Variants in FHIP2B observed in about 807,000 individuals in gnomAD.
The protein encoded by FHIP2B is FHF complex subunit HOOK interacting protein 2B.
In FHIP2B, 72 loss-of-function variants were observed where a neutral mutation model predicts 84.0. The ratio of observed to expected loss-of-function variants is 0.86; its 90% CI spans 0.71 to 1.04. FHIP2B has a LOEUF of 1.04. Among genes scored for constraint, FHIP2B ranks in the 50% least tolerant of loss-of-function variants. The pLI is 0.00. For synonymous variants in FHIP2B, 497 were observed against 418.7 expected (o/e 1.19, Z -2.28); for missense variants, 972 against 968.9 (o/e 1.00, Z -0.04).
chr8:22,102,775 T>C lies in FHIP2B; in HGVS notation c.2094-18T>C. The C allele has an allele frequency of 1.9e-6, 3 of 1,611,988 alleles. No individual in the cohort carries two copies. The highest frequency in any genetic ancestry group is 2.5e-6 in the Non-Finnish European group (3 of 1,179,090). The stretch of plus-strand genomic sequence containing the variant: ...CCTGCCCCCACCCAGCCATGCCCCC[T>C]GTGCCATCTCCCCTCAGGCTGGACC... On this transcript the variant is annotated intron_variant, in intron 16 of 16. Coordinates refer to ENST00000289921, the MANE Select transcript of FHIP2B (RefSeq NM_022749.7).
In FHIP2B at chr8:22,101,382, C is replaced by T. The variant is rs1427802813; in HGVS notation, c.1617-58C>T. 1.6e-5 allele frequency: 22 copies of T among 1,409,136 alleles called. No homozygotes were observed. In the Admixed American group the frequency reaches 4.1e-4, roughly 26 times the overall value. 87.3% of individuals were successfully genotyped at this position (1,409,136 alleles called of 1,614,324 possible). A position where few individuals can be genotyped will look rare whatever the true frequency, so the allele number is the denominator to read the frequency against. Reference sequence around the variant, plus strand: ...AGTCAGGGAGGGAGATGGGGTCCCACAAGCAGGGGAGAGCAGGGTGAGCCG... The same window carrying T: ...AGTCAGGGAGGGAGATGGGGTCCCATAAGCAGGGGAGAGCAGGGTGAGCCG... On this transcript the variant is annotated intron_variant, in intron 12 of 16. Coordinates refer to ENST00000289921, the MANE Select transcript of FHIP2B (RefSeq NM_022749.7).
chr8:22,100,688 G>A lies in FHIP2B; in HGVS notation c.1436G>A (p.Arg479His), dbSNP rs774274007. 13 of 1,606,050 alleles carry A rather than the reference G, an allele frequency of 8.1e-6. No homozygotes were observed. The Admixed American group carries it at 8.5e-5, about 10-fold the overall frequency. The change falls in exon 11 of 17, where the codon CGC becomes CAC. Residue 479 changes from arginine (R) to histidine (H), a missense_variant. By Grantham distance (29) the Arg-to-His change is conservative (BLOSUM62 0). Transcript: ENST00000289921. ...CTGGTCCTGCGCAACCTTGAGGGCC[G>A]CCCTTACGTGGCCTGGGGCTCACCA... Reference protein sequence around the residue: ...HSLVLRNLEGRPYVAWGSPEP... With the variant: ...HSLVLRNLEGHPYVAWGSPEP...
chr8:22,101,875 A>G, intron 14 of FHIP2B, 24 bp downstream of exon 14: 1 of 1,610,954 alleles, frequency 6.2e-7, no homozygotes, highest in South Asian at 1.1e-5. Flanking sequence ...CTGGGCCAGG[A>G]GAACTCCAGG....
At position 22,102,177 on chromosome 8, in the gene FHIP2B, A is replaced by T. The variant is rs1386257807; in HGVS notation, c.1854A>T (p.Pro618=). Residue 618 remains proline (P), a splice_region_variant and synonymous_variant, in exon 15 of 17, where the codon CCA becomes CCT. Transcript: ENST00000289921. ...CTCTGTCCACCATGTTCCTACAGCC[A>T]TACAGCCTGAACCTGCAGGTGACCT... is the stretch of plus-strand genomic sequence containing the variant. ...FDRMSRILDQ[P]YSLNLQVTSV... 22 of 1,613,278 alleles carry T rather than the reference A, an allele frequency of 1.4e-5. No homozygotes were observed. The highest frequency in any genetic ancestry group is 1.6e-5 in the Non-Finnish European group (19 of 1,179,848).
rs1490655406 is a variant in FHIP2B, at chr8:22,103,780, G to A, written c.*849G>A. 3 of 152,464 alleles carry A rather than the reference G, an allele frequency of 2.0e-5. No individual in the cohort carries two copies. The highest frequency in any genetic ancestry group is 4.4e-5 in the Non-Finnish European group (3 of 68,078). 9.4% of individuals were successfully genotyped at this position (152,464 alleles called of 1,614,324 possible). A position where few individuals can be genotyped will look rare whatever the true frequency, so the allele number is the denominator to read the frequency against. ...TAGAAGACCCTTCTGGGGAGCCAGG[G>A]AGCTCAGGGGACAGATAAGGGAAGG... On this transcript the variant is annotated 3_prime_UTR_variant, in exon 17 of 17. Transcript: ENST00000289921.
At chr8:22,099,468 T>G in intron 9 of FHIP2B, 108 bp downstream of exon 9, 1 of 1,245,416 alleles carries the variant, frequency 8.0e-7, no homozygotes, top group South Asian at 1.4e-5. Context: ...CAGAATCCCA[T>G]TTGTGGACCC....
chr8:22,096,486 C>CT lies in FHIP2B; in HGVS notation c.275dup (p.Cys93LeufsTer85). 3 of 1,547,082 alleles carry CT rather than the reference C, an allele frequency of 1.9e-6. No individual in the cohort carries two copies. Among genetic ancestry groups the CT allele is most frequent in the Non-Finnish European group, 2.6e-6 (3 of 1,144,416 alleles). On this transcript the variant is annotated frameshift_variant, in exon 3 of 17. Transcript: ENST00000289921. LOFTEE classifies it high-confidence loss of function. ...GCTGCAGCACAAGATCCTGGAGACTCTCTGCACGCTGGGCAAGGCCGAGGT... is the reference window on the plus strand; with the variant it reads ...GCTGCAGCACAAGATCCTGGAGACTCTTCTGCACGCTGGGCAAGGCCGAGGT...
intron 1 of FHIP2B, among the ~76,000 whole-genome samples, chr8:22,093,456 C>T (rs1159407530): frequency 6.6e-6 from 1 of 152,088 alleles, no homozygotes. Flanking sequence ...TTGCCCAGAG[C>T]AGAACCAGAA....
Position 22,098,534 on chromosome 8 carries a change from G to A in FHIP2B, c.880G>A (p.Val294Ile), listed in dbSNP as rs368951510. 26 of 1,612,718 alleles carry A rather than the reference G, an allele frequency of 1.6e-5. No homozygotes were observed. The highest frequency in any genetic ancestry group is 1.3e-4 in the African/African-American group (10 of 74,872). ...VQSSACCPAI[V>I]RHLCQLYRSM... ...GAGCAGCGCCTGCTGCCCTGCGATC[G>A]TCCGGCACCTTTGCCAGTTGTACCG... is the stretch of plus-strand genomic sequence containing the variant. Residue 294 changes from valine (V) to isoleucine (I), a missense_variant, in exon 7 of 17, where the codon GTC (valine) becomes ATC (isoleucine). Transcript: ENST00000289921.
At position 22,097,557 on chromosome 8, in the gene FHIP2B, C is replaced by A. The variant is rs1438905150; in HGVS notation, c.339C>A (p.Ser113Arg). ...GMRQQVFQFF[S>R]KVLAQVQHPL... The stretch of plus-strand genomic sequence containing the variant: ...GGCAGCAGGTGTTCCAGTTCTTCAG[C>A]AAGGTTCTGGCGCAGGTGCAGCACC... The change falls in exon 4 of 17, where the codon AGC becomes AGA. Residue 113 changes from serine (S) to arginine (R), a missense_variant. Ser to Arg is a moderately radical substitution (Grantham distance 110). Transcript: ENST00000289921. 2 of 1,610,418 alleles carry A rather than the reference C, an allele frequency of 1.2e-6. No individual in the cohort carries two copies. The highest frequency in any genetic ancestry group is 1.7e-6 in the Non-Finnish European group (2 of 1,178,692).
In FHIP2B at chr8:22,101,986, C is replaced by G. The variant is rs1271109577; in HGVS notation, c.1851+135C>G. 14 of 1,499,146 alleles carry G rather than the reference C, an allele frequency of 9.3e-6. 1 individual carries two copies. The allele number at this position is 1,499,146 out of a possible 1,614,324, so 92.9% of individuals were successfully genotyped here. On this transcript the variant is annotated intron_variant, in intron 14 of 16. Transcript: ENST00000289921. ...CTGTCCTTTCCCCAGGTGGGAAGCC[C>G]CGTCTCACCCCTGCTCCACACGTCC...
rs745529802 is a variant in FHIP2B, at chr8:22,101,821, G to A, written c.1821G>A (p.Leu607=). The A allele has an allele frequency of 1.9e-6, 3 of 1,613,648 alleles. No homozygotes were observed. The highest frequency in any genetic ancestry group is 3.3e-5 in the Admixed American group (2 of 60,000). ...PFFEGHFLRV[L]FDRMSRILDQ... ...TCGAGGGCCACTTCCTCCGAGTGCT[G>A]TTTGACCGCATGTCCCGGATTCTGG... The change falls in exon 14 of 17, where the codon CTG becomes CTA. Residue 607 remains leucine (L), a synonymous_variant. Coordinates refer to ENST00000289921, the MANE Select transcript of FHIP2B (RefSeq NM_022749.7).
rs565358980 is a variant in FHIP2B at position 22,103,545 on chromosome 8, C to G, written c.*614C>G. On this transcript the variant is annotated 3_prime_UTR_variant, in exon 17 of 17. Coordinates refer to ENST00000289921, the MANE Select transcript of FHIP2B (RefSeq NM_022749.7). The stretch of plus-strand genomic sequence containing the variant: ...CATGGCAAATGCCCAAAGCATGTTC[C>G]GCACCCAGGCGGGGGCCCCTGCTAA... The G allele has an allele frequency of 6.6e-6, 1 of 152,438 alleles. No individual in the cohort carries two copies. The highest frequency in any genetic ancestry group is 2.4e-5 in the African/African-American group (1 of 41,472). 9.4% of individuals were successfully genotyped at this position (152,438 alleles called of 1,614,324 possible).
intron 1 of FHIP2B, among the ~76,000 whole-genome samples, chr8:22,092,710 G>A (rs1825559881): frequency 6.6e-6 from 1 of 152,022 alleles, no homozygotes; most frequent in South Asian, 2.1e-4. Flanking sequence ...CCTTCCCCAG[G>A]CACACTTTGC....
chr8:22,101,333 T>TCTTG, intron 12 of FHIP2B, 107 bp from the exon 13 acceptor site: 9 of 850,086 alleles, frequency 1.1e-5, no homozygotes, highest in Non-Finnish European at 1.5e-5. Flanking sequence ...TGAGTTTTAC[T>TCTTG]CTTTGGCCAC....
chr8:22,089,664 C>G (rs551956850), intron 1 of FHIP2B: 25 of 787,222 alleles, frequency 3.2e-5, no homozygotes, highest in African/African-American at 1.2e-4. Context: ...CGCCTCCCCC[C>G]AGTCCCGGTG....
In FHIP2B at chr8:22,089,180, C is replaced by T. The variant is rs1825320659; in HGVS notation, c.-74C>T. 5 of 959,226 alleles carry T rather than the reference C, an allele frequency of 5.2e-6. No homozygotes were observed. The highest frequency in any genetic ancestry group is 1.3e-6 in the Non-Finnish European group (1 of 790,730). 59.4% of individuals were successfully genotyped at this position (959,226 alleles called of 1,614,324 possible). A position where few individuals can be genotyped will look rare whatever the true frequency, so the allele number is the denominator to read the frequency against. On this transcript the variant is annotated 5_prime_UTR_variant, in exon 1 of 17. Transcript: ENST00000289921. Reference sequence around the variant, plus strand: ...CCTCGTCGCGCCGGGGCCGCCGGGGCCACGGGGCTGCCTCCTCCGCCTAGA... The same window carrying T: ...CCTCGTCGCGCCGGGGCCGCCGGGGTCACGGGGCTGCCTCCTCCGCCTAGA...
At chr8:22,089,631 T>A (rs1825362145) in intron 1 of FHIP2B, 1 of 460,004 alleles carries the variant, frequency 2.2e-6, no homozygotes, top group Non-Finnish European at 3.6e-6. Context: ...TTGGGGTGTT[T>A]CCTGCCCCCC....
intron 15 of FHIP2B, 96 bp downstream of exon 15, chr8:22,102,411 G>GGGGGGGGGC: frequency 1.4e-5 from 8 of 586,942 alleles, no homozygotes; most frequent in South Asian, 3.3e-5. Flanking sequence ...GGAGGGGTGG[G>GGGGGGGGGC]CACCCTTGCC....
Sources: allele counts gnomAD v4.1 joint callset (sites outside exome capture counted in the v4.1 genomes callset), GRCh38; gene constraint gnomAD v4.1.1; transcripts MANE v1.5; gene names NCBI Gene and HGNC (gene_info 2026-07-23, HGNC 2026-07-21).